The following CRMP1 variants were observed in gnomAD, a reference collection of about 807,000 sequenced individuals.
The protein encoded by CRMP1 is collapsin response mediator protein 1.
CRMP1 carries 19 observed loss-of-function variants against 68.3 expected under a neutral mutation model. The ratio of observed to expected loss-of-function variants is 0.28; its 90% confidence interval spans 0.19 to 0.41. The LOEUF (loss-of-function observed/expected upper bound fraction) is 0.41, where lower values mean the gene tolerates loss of function less well. Ranked by LOEUF, CRMP1 falls within the 10% of genes least tolerant of loss-of-function variation. CRMP1 has a pLI of 1.00. For missense variants in CRMP1, 791 were observed against 967.4 expected (o/e 0.82, Z 2.42); for synonymous variants, 439 against 399.6 (o/e 1.10, Z -1.18).
At chr4:5,839,384 G>A in intron 9 of CRMP1, 138 bp downstream of exon 9, 1 of 1,063,096 alleles carries the variant, frequency 9.4e-7, no homozygotes, top group Non-Finnish European at 1.3e-6. Flanking sequence ...AGCCATATGA[G>A]CGCAGTCCTT....
intron 6 of CRMP1, among the ~76,000 whole-genome samples, chr4:5,848,147 A>ATT (rs200762390): frequency 1.4e-4 from 20 of 139,268 alleles, no homozygotes; most frequent in Non-Finnish European, 2.4e-4. Flanking sequence ...CCCTGACTTC[A>ATT]TTTTTTTTTT....
Position 5,892,767 on chromosome 4 carries a change from C to A in CRMP1, c.203G>T (p.Gly68Val). The A allele has an allele frequency of 7.9e-7, 1 of 1,261,668 alleles. No individual in the cohort carries two copies. The allele number at this position is 1,261,668 out of a possible 1,614,324, so 78.2% of individuals were successfully genotyped here. A position where few individuals can be genotyped will look rare whatever the true frequency, so the allele number is the denominator to read the frequency against. Residue 68 changes from glycine to valine, a missense_variant, in exon 1 of 14, where the codon GGC becomes GTC. This residue lies in a region of CRMP1 where 193 missense variants were observed against 186.3 expected (regional missense o/e 1.04). Transcript: ENST00000324989. This position sits in a 1 kb window ranked among gnomAD's most constrained non-coding sequence, Gnocchi z 8.6. ...TGGCAGCCCGACCGCGTCGGGCCGGCCAGCGCTGCGCGGCGTGCGCGCCGA... is the reference window on the plus strand; with the variant it reads ...TGGCAGCCCGACCGCGTCGGGCCGGACAGCGCTGCGCGGCGTGCGCGCCGA... Reference protein sequence around the residue: ...RGSARTPRSAGRPDAVGLPGP... With the variant: ...RGSARTPRSAVRPDAVGLPGP...
intron 1 of CRMP1, among the ~76,000 whole-genome samples, chr4:5,876,071 T>C (rs1244530016): frequency 1.3e-5 from 2 of 151,406 alleles, no homozygotes; most frequent in Middle Eastern, 6.3e-3. Flanking sequence ...GAAAATGGCA[T>C]GAGCCCGGGA....
intron 1 of CRMP1, among the ~76,000 whole-genome samples, chr4:5,878,918 T>G (rs73797946): frequency 0.013 from 2,006 of 152,246 alleles, 44 homozygotes; most frequent in African/African-American, 0.045. Flanking sequence ...TAGATCTTGT[T>G]GCATCTACTC....
At chr4:5,831,562 G>A (rs1011600124) in intron 11 of CRMP1, among the ~76,000 whole-genome samples, 6 of 152,136 alleles carry the variant, frequency 3.9e-5, no homozygotes, top group African/African-American at 1.2e-4. Context: ...GGGACACATG[G>A]ATTGTGAATG....
Position 5,825,798 on chromosome 4 carries a change from C to T in CRMP1, c.1804-139G>A, listed in dbSNP as rs532035798. 1.3e-4 allele frequency: 104 copies of T among 783,512 alleles called. 2 individuals carry two copies. In the South Asian group the frequency reaches 1.8e-3, roughly 14 times the overall value. 48.5% of individuals were successfully genotyped at this position (783,512 alleles called of 1,614,324 possible). ...CATGCACACACACACACAACACGCA[C>T]ACACGACAGGTGCACTTCACACACA... On this transcript the variant is annotated intron_variant, in intron 12 of 13. Coordinates refer to ENST00000324989, the MANE Select transcript of CRMP1 (RefSeq NM_001014809.3). The surrounding 1 kb of genome is among the most constrained non-coding windows in gnomAD (Gnocchi z 4.4).
Position 5,838,760 on chromosome 4 carries a change from T to C in CRMP1, c.1310+762A>G, listed in dbSNP as rs1392554850. On this transcript the variant is annotated intron_variant, in intron 9 of 13. Transcript: ENST00000324989. The surrounding 1 kb of genome is among the most constrained non-coding windows in gnomAD (Gnocchi z 4.9). ...TGATTTCCACGTGGGCGCACACCACTGCCCCCTCCTCCAAGGTTCCTTCTG... is the reference window on the plus strand; with the variant it reads ...TGATTTCCACGTGGGCGCACACCACCGCCCCCTCCTCCAAGGTTCCTTCTG... Among the ~76,000 whole-genome samples the C allele has an allele frequency of 6.6e-6, 1 of 152,152 alleles. No individual in the cohort carries two copies. The highest frequency in any genetic ancestry group is 2.4e-5 in the African/African-American group (1 of 41,422).
chr4:5,862,452 T>C (rs1713647326), intron 2 of CRMP1, among the ~76,000 whole-genome samples: 1 of 152,130 alleles, frequency 6.6e-6, no homozygotes, highest in South Asian at 2.1e-4. Flanking sequence ...TCTGCCATCC[T>C]CTCCAAACGT....
Position 5,888,437 on chromosome 4 carries a change from C to G in CRMP1, c.381+4152G>C. The G allele has an allele frequency of 2.5e-6, 3 of 1,215,008 alleles. No homozygotes were observed. The highest frequency in any genetic ancestry group is 3.1e-6 in the Non-Finnish European group (3 of 977,458). 75.3% of individuals were successfully genotyped at this position (1,215,008 alleles called of 1,614,324 possible). ...CCCACGCGCGGCTGCCCCGGCTGCT[C>G]GGCCCGCCCGCCGCCGCTCCGGCTG... On this transcript the variant is annotated intron_variant, in intron 1 of 13. Transcript: ENST00000324989. This position sits in a 1 kb window ranked among gnomAD's most constrained non-coding sequence, Gnocchi z 6.4.
In CRMP1 at chr4:5,888,262, G is replaced by A; in HGVS notation, c.381+4327C>T. 1 of 1,282,302 alleles carries A rather than the reference G, an allele frequency of 7.8e-7. No homozygotes were observed. Among genetic ancestry groups the A allele is most frequent in the Non-Finnish European group, 9.9e-7 (1 of 1,007,628 alleles). 79.4% of individuals were successfully genotyped at this position (1,282,302 alleles called of 1,614,324 possible). ...CGGGATGCTCTTCTTGCCCTGGTAC[G>A]ACATGGCCCCCTCTGGCGCCCTCGG... On this transcript the variant is annotated intron_variant, in intron 1 of 13. Coordinates refer to ENST00000324989, the MANE Select transcript of CRMP1 (RefSeq NM_001014809.3). This position sits in a 1 kb window ranked among gnomAD's most constrained non-coding sequence, Gnocchi z 6.4.
At chr4:5,840,116 A>C (rs991315178) in intron 8 of CRMP1, among the ~76,000 whole-genome samples, 1 of 152,160 alleles carries the variant, frequency 6.6e-6, no homozygotes, top group Non-Finnish European at 1.5e-5. Context: ...TGAGGAAGTG[A>C]CATAAGGCAG....
chr4:5,831,287 C>T (rs887964249), intron 11 of CRMP1, among the ~76,000 whole-genome samples: 1 of 152,046 alleles, frequency 6.6e-6, no homozygotes, highest in African/African-American at 2.4e-5. Flanking sequence ...TTTTGATTTC[C>T]ATTCTATTTT....
intron 1 of CRMP1, among the ~76,000 whole-genome samples, chr4:5,869,425 G>A (rs1002418166): frequency 4.6e-5 from 7 of 152,180 alleles, no homozygotes; most frequent in Admixed American, 4.6e-4. Flanking sequence ...GCTTATGCCT[G>A]TAATCCCAGC....
chr4:5,890,255 C>A lies in CRMP1; in HGVS notation c.381+2334G>T, dbSNP rs2152477843. ...GCCCCTACAGCAAGGGACAAGACCA[C>A]GTGCGTATCAGGGGGAGGAGCATCC... On this transcript the variant is annotated intron_variant, in intron 1 of 13. Transcript: ENST00000324989. The surrounding 1 kb of genome is among the most constrained non-coding windows in gnomAD (Gnocchi z 5.5). 1 of 153,608 alleles carries A rather than the reference C, an allele frequency of 6.5e-6. No homozygotes were observed. Among genetic ancestry groups the A allele is most frequent in the African/African-American group, 2.4e-5 (1 of 41,588 alleles). The allele number at this position is 153,608 out of a possible 1,614,324, so 9.5% of individuals were successfully genotyped here.
chr4:5,864,062 C>T (rs551264289), intron 2 of CRMP1, among the ~76,000 whole-genome samples: 1 of 152,304 alleles, frequency 6.6e-6, no homozygotes, highest in Non-Finnish European at 1.5e-5. Flanking sequence ...CTGCATTTTT[C>T]CTCAACAGCC....
At position 5,889,570 on chromosome 4, in the gene CRMP1, G is replaced by A; in HGVS notation, c.381+3019C>T. ...GGAGGAAAAGGGGGAGCCCCAGCAAGCCCCAACCTCACTGGACAGGTGCCC... is the reference window on the plus strand; with the variant it reads ...GGAGGAAAAGGGGGAGCCCCAGCAAACCCCAACCTCACTGGACAGGTGCCC... On this transcript the variant is annotated intron_variant, in intron 1 of 13. Transcript: ENST00000324989. The surrounding 1 kb of genome is among the most constrained non-coding windows in gnomAD (Gnocchi z 4.5). 1.3e-6 allele frequency: 2 copies of A among 1,535,910 alleles called. No homozygotes were observed. Among genetic ancestry groups the A allele is most frequent in the African/African-American group, 1.4e-5 (1 of 73,156 alleles).
chr4:5,821,681 G>T lies in CRMP1; in HGVS notation c.*79C>A. On this transcript the variant is annotated 3_prime_UTR_variant, in exon 14 of 14. Transcript: ENST00000324989. This position sits in a 1 kb window ranked among gnomAD's most constrained non-coding sequence, Gnocchi z 4.4. ...TCCATCAGCACCAACTAAAACTGTG[G>T]GTTTCAAAAACACTGACAGGAAAAG... 1 of 1,364,880 alleles carries T rather than the reference G, an allele frequency of 7.3e-7. No homozygotes were observed. The highest frequency in any genetic ancestry group is 1.3e-5 in the South Asian group (1 of 75,932). The allele number at this position is 1,364,880 out of a possible 1,614,324, so 84.5% of individuals were successfully genotyped here.
chr4:5,839,861 C>A (rs1280594133), intron 8 of CRMP1, among the ~76,000 whole-genome samples, 183 bp from the exon 9 acceptor site: 1 of 152,250 alleles, frequency 6.6e-6, no homozygotes, highest in Non-Finnish European at 1.5e-5. Flanking sequence ...GGCCCAGCTC[C>A]ACCACATTGT....
At position 5,835,908 on chromosome 4, in the gene CRMP1, G is replaced by GACTTAC; in HGVS notation, c.1623+1_1623+6dup. 1 of 1,523,404 alleles carries GACTTAC rather than the reference G, an allele frequency of 6.6e-7. No individual in the cohort carries two copies. Among genetic ancestry groups the GACTTAC allele is most frequent in the Non-Finnish European group, 8.8e-7 (1 of 1,135,706 alleles). The allele number at this position is 1,523,404 out of a possible 1,614,324, so 94.4% of individuals were successfully genotyped here. ...TATCTCAGCAGCACAAATAGGCCAGGACTTACCGACTTGTGACTTTTGGCT... is the reference window on the plus strand; with the variant it reads ...TATCTCAGCAGCACAAATAGGCCAGGACTTACACTTACCGACTTGTGACTTTTGGCT... On this transcript the variant is annotated splice_region_variant and intron_variant, in intron 11 of 13. Coordinates refer to ENST00000324989, the MANE Select transcript of CRMP1 (RefSeq NM_001014809.3).
Sources: allele counts gnomAD v4.1 joint callset (sites outside exome capture counted in the v4.1 genomes callset), GRCh38; gene constraint gnomAD v4.1.1; regional missense constraint gnomAD v4.1.1; non-coding constraint Gnocchi (gnomAD v3.1); transcripts MANE v1.5; gene names NCBI Gene and HGNC (gene_info 2026-07-23, HGNC 2026-07-21).